The following HEMK2 variants were observed in gnomAD, a reference collection of about 807,000 sequenced individuals.
HEMK2 encodes the protein HemK methyltransferase 2, ETF1 glutamine and histone H4 lysine.
At chr21:28,828,131 T>C in the HEMK2 span, among the ~76,000 whole-genome samples, 12,507 of 152,056 alleles carry the variant, frequency 0.082, 1,183 homozygotes, top group African/African-American at 0.22. Flanking sequence ...CATTTTCTTA[T>C]CTATTTTTGA....
the HEMK2 span, among the ~76,000 whole-genome samples, chr21:28,694,249 T>TA: frequency 6.6e-6 from 1 of 152,214 alleles, no homozygotes; most frequent in Non-Finnish European, 1.5e-5. Flanking sequence ...ATACTTGCCA[T>TA]AAATAGTAGA....
At chr21:28,840,028 A>G in the HEMK2 span, among the ~76,000 whole-genome samples, 1 of 152,226 alleles carries the variant, frequency 6.6e-6, no homozygotes. Context: ...CACAAAGACC[A>G]ATGGAACAGA....
the HEMK2 span, among the ~76,000 whole-genome samples, chr21:28,871,335 G>A: frequency 1.3e-5 from 2 of 152,236 alleles, no homozygotes; most frequent in African/African-American, 2.4e-5. Context: ...AAGGAGGCAC[G>A]TCCACATGGT....
the HEMK2 span, among the ~76,000 whole-genome samples, chr21:28,733,492 G>A: frequency 6.6e-6 from 1 of 152,006 alleles, no homozygotes; most frequent in African/African-American, 2.4e-5. Flanking sequence ...GGACATACAC[G>A]CAGGTCTCAT....
At chr21:28,687,599 A>G in the HEMK2 span, among the ~76,000 whole-genome samples, 1 of 152,218 alleles carries the variant, frequency 6.6e-6, no homozygotes, top group Non-Finnish European at 1.5e-5. Flanking sequence ...GTTTTTTTCA[A>G]TCTTAGAATA....
chr21:28,821,223 T>G, the HEMK2 span, among the ~76,000 whole-genome samples: 1 of 152,122 alleles, frequency 6.6e-6, no homozygotes, highest in East Asian at 1.9e-4. Context: ...CACTGACACC[T>G]TCCAAAACCT....
the HEMK2 span, among the ~76,000 whole-genome samples, chr21:28,781,813 T>A: frequency 1.3e-5 from 2 of 152,232 alleles, no homozygotes; most frequent in Non-Finnish European, 2.9e-5. Flanking sequence ...AGTGGTCACA[T>A]TGATACTGTC....
chr21:28,624,407 A>T, the HEMK2 span, among the ~76,000 whole-genome samples: 1 of 152,202 alleles, frequency 6.6e-6, no homozygotes, highest in African/African-American at 2.4e-5. Context: ...ATACGAAGTG[A>T]CATTCTTCTA....
the HEMK2 span, chr21:28,671,400 T>C: frequency 1.3e-5 from 2 of 152,216 alleles, no homozygotes; most frequent in Admixed American, 6.5e-5. Context: ...AACGCTACCA[T>C]GCATCCTCCT....
the HEMK2 span, among the ~76,000 whole-genome samples, chr21:28,612,596 GAGAA>G: frequency 2.0e-5 from 3 of 152,228 alleles, no homozygotes; most frequent in Admixed American, 6.5e-5. Flanking sequence ...AATCAGACAA[GAGAA>G]AGAAATAAAG....
At chr21:28,589,905 A>T in the HEMK2 span, among the ~76,000 whole-genome samples, 1 of 152,184 alleles carries the variant, frequency 6.6e-6, no homozygotes, top group Non-Finnish European at 1.5e-5. Context: ...TCAGGTGCAT[A>T]ACACACAGTT....
At chr21:28,839,000 T>TAC in the HEMK2 span, among the ~76,000 whole-genome samples, 25 of 57,982 alleles carry the variant, frequency 4.3e-4, no homozygotes, top group African/African-American at 1.0e-3. Flanking sequence ...TATATATATA[T>TAC]ACATATATAT....
At chr21:28,598,558 G>C in the HEMK2 span, among the ~76,000 whole-genome samples, 4 of 152,164 alleles carry the variant, frequency 2.6e-5, no homozygotes, top group African/African-American at 7.2e-5. Context: ...GTTTCTCCAG[G>C]ATTTTGCCTC....
At chr21:28,846,086 T>C in the HEMK2 span, among the ~76,000 whole-genome samples, 9 of 152,338 alleles carry the variant, frequency 5.9e-5, no homozygotes, top group Non-Finnish European at 1.3e-4. Flanking sequence ...CTTCAGAGAA[T>C]GGCCTCCAGC....
At chr21:28,838,972 A>AAAAAATAT in the HEMK2 span, among the ~76,000 whole-genome samples, 1 of 29,158 alleles carries the variant, frequency 3.4e-5, no homozygotes, top group Non-Finnish European at 5.6e-5. Context: ...AAAAAAAAAA[A>AAAAAATAT]ATATATATAT....
At chr21:28,598,831 A>G in the HEMK2 span, among the ~76,000 whole-genome samples, 4 of 152,214 alleles carry the variant, frequency 2.6e-5, no homozygotes, top group Admixed American at 6.5e-5. Flanking sequence ...GACACTGAAG[A>G]CAGAGTTACA....
chr21:28,697,596 C>G, the HEMK2 span, among the ~76,000 whole-genome samples: 3 of 152,078 alleles, frequency 2.0e-5, no homozygotes, highest in African/African-American at 7.2e-5. Flanking sequence ...ACTTCTCACT[C>G]TATTAGTTTC....
the HEMK2 span, among the ~76,000 whole-genome samples, chr21:28,864,816 C>T: frequency 0.57 from 66,283 of 116,782 alleles, 16,074 homozygotes; most frequent in South Asian, 0.63. Context: ...GAAAGACAGA[C>T]AGACAGATAG....
At chr21:28,591,969 G>A in the HEMK2 span, among the ~76,000 whole-genome samples, 1 of 152,148 alleles carries the variant, frequency 6.6e-6, no homozygotes, top group African/African-American at 2.4e-5. Flanking sequence ...TTTTTAGGTT[G>A]ATTCTATGTC....
Sources: gnomAD v4.1 joint callset for allele counts (sites outside exome capture counted in the v4.1 genomes callset) on GRCh38, gnomAD v4.1.1 for gene constraint, MANE v1.5 for transcripts, NCBI Gene and HGNC (gene_info 2026-07-23, HGNC 2026-07-21) for gene names.